The following USP42 variants were observed in gnomAD, a reference collection of about 807,000 sequenced individuals.
USP42 encodes ubiquitin carboxyl-terminal hydrolase 42.
Under a neutral mutation model 113.0 loss-of-function variants are expected in USP42, and 23 were observed. That is an observed-to-expected ratio of 0.20 (90% CI 0.15 to 0.29). USP42 has a LOEUF of 0.29. USP42 is among the 10% of genes least tolerant of loss of function. The pLI, the probability that USP42 is intolerant of heterozygous loss-of-function variation, is 1.00. For synonymous variants in USP42, 933 were observed against 699.0 expected (o/e 1.33, Z -5.28); for missense variants, 2,174 against 1,779.8 (o/e 1.22, Z -3.99).
intron 3 of USP42, among the ~76,000 whole-genome samples, chr7:6,135,613 C>CT (rs1781091325): frequency 7.9e-6 from 1 of 126,970 alleles, no homozygotes; most frequent in Admixed American, 9.3e-5. Context: ...GGTCACACCA[C>CT]TGCACTCCAG....
chr7:6,134,612 G>A (rs1027843420), intron 3 of USP42, among the ~76,000 whole-genome samples: 2 of 152,088 alleles, frequency 1.3e-5, no homozygotes, highest in Admixed American at 6.6e-5. Context: ...TGCATTCGAG[G>A]CTGTTGAGCG....
At position 6,111,577 on chromosome 7, in the gene USP42, G is replaced by A. The variant is rs532429788; in HGVS notation, c.241+203G>A. Among the ~76,000 whole-genome samples the A allele has an allele frequency of 2.0e-5, 3 of 151,656 alleles. No individual in the cohort carries two copies. The East Asian group carries it at 5.8e-4, about 29-fold the overall frequency. On this transcript the variant is annotated intron_variant, in intron 2 of 17. Coordinates refer to ENST00000306177, the MANE Select transcript of USP42 (RefSeq NM_032172.3). Reference sequence around the variant, plus strand: ...CAGGGTAGATTGTTTTTAGTTGCTAGAATATTATTAGTTTCTTTTATTCCA... The same window carrying A: ...CAGGGTAGATTGTTTTTAGTTGCTAAAATATTATTAGTTTCTTTTATTCCA...
chr7:6,083,862 G>T, the USP42 span, among the ~76,000 whole-genome samples: 11 of 150,742 alleles, frequency 7.3e-5, no homozygotes, highest in Non-Finnish European at 1.5e-4. Context: ...AAACCAAGGG[G>T]ACATATTCTG....
At chr7:6,111,449 G>C (rs1460747572) in intron 2 of USP42, 75 bp downstream of exon 2, 2 of 1,544,832 alleles carry the variant, frequency 1.3e-6, no homozygotes, top group Non-Finnish European at 1.7e-6. Flanking sequence ...TGGTTTCAGA[G>C]AGGGGCTTAT....
In USP42 at chr7:6,154,152, C is replaced by T. The variant is rs200951790; in HGVS notation, c.2598C>T (p.Pro866=). The T allele has an allele frequency of 2.9e-5, 47 of 1,594,636 alleles. No homozygotes were observed. The East Asian group carries it at 7.2e-4, about 24-fold the overall frequency. ...SPAPPARSEE[P]CEQPLLVHPS... ...CTCCGCCTGCGCGGTCGGAGGAGCCCTGCGAGCAGCCACTCCTTGTTCACC... is the reference window on the plus strand; with the variant it reads ...CTCCGCCTGCGCGGTCGGAGGAGCCTTGCGAGCAGCCACTCCTTGTTCACC... The change falls in exon 15 of 18, where the codon CCC becomes CCT. Residue 866 remains proline (P), a synonymous_variant. Coordinates refer to ENST00000306177, the MANE Select transcript of USP42 (RefSeq NM_032172.3).
chr7:6,146,002 G>A (rs898444869), intron 10 of USP42, 146 bp from the exon 11 acceptor site: 13 of 686,866 alleles, frequency 1.9e-5, no homozygotes, highest in Non-Finnish European at 2.7e-5. Flanking sequence ...CCCAGGAGGT[G>A]GAGATTGCAA....
At chr7:6,122,822 T>C (rs1780309996) in intron 3 of USP42, among the ~76,000 whole-genome samples, 1 of 151,708 alleles carries the variant, frequency 6.6e-6, no homozygotes, top group Non-Finnish European at 1.5e-5. Flanking sequence ...CAGGCTCATC[T>C]CAAACTCCTG....
At chr7:6,126,010 A>T (rs1414130966) in intron 3 of USP42, among the ~76,000 whole-genome samples, 1 of 152,178 alleles carries the variant, frequency 6.6e-6, no homozygotes, top group Admixed American at 6.6e-5. Flanking sequence ...TGATATAGTC[A>T]AGATACAGAG....
chr7:6,083,963 A>G, the USP42 span, among the ~76,000 whole-genome samples: 5 of 151,138 alleles, frequency 3.3e-5, no homozygotes, highest in Admixed American at 6.6e-5. Flanking sequence ...AAGGGTACCT[A>G]ACTCCCAAGC....
intron 4 of USP42, among the ~76,000 whole-genome samples, chr7:6,138,319 T>G (rs765111328): frequency 6.6e-6 from 1 of 152,244 alleles, no homozygotes; most frequent in Non-Finnish European, 1.5e-5. Context: ...CTGAAATGTT[T>G]CTGTGCACCT....
the USP42 span, among the ~76,000 whole-genome samples, chr7:6,086,371 A>G: frequency 5.5e-4 from 82 of 150,188 alleles, no homozygotes; most frequent in South Asian, 3.1e-3. Flanking sequence ...ATGCCTGGCT[A>G]ATTTTTTGTA....
At position 6,153,901 on chromosome 7, in the gene USP42, A is replaced by T. The variant is rs768328292; in HGVS notation, c.2347A>T (p.Thr783Ser). 5.0e-6 allele frequency: 8 copies of T among 1,590,360 alleles called. No individual in the cohort carries two copies. In the South Asian group the frequency reaches 7.9e-5, roughly 16 times the overall value. The change falls in exon 15 of 18, where the codon ACC (threonine) becomes TCC (serine). Residue 783 changes from threonine (T) to serine (S), a missense_variant. By Grantham distance (58) the Thr-to-Ser change is moderately conservative. Coordinates refer to ENST00000306177, the MANE Select transcript of USP42 (RefSeq NM_032172.3). ...GGCTCCGCCGCCCCGCGATCCCGGC[A>T]CCCCCGCTACCAAAGAAGGCGCCTG... ...KKAPPPRDPG[T>S]PATKEGAWEA...
rs567872505 is a variant in USP42, at chr7:6,141,332, A to G, written c.795+348A>G. On this transcript the variant is annotated intron_variant, in intron 7 of 17. Coordinates refer to ENST00000306177, the MANE Select transcript of USP42 (RefSeq NM_032172.3). ...ATTCTTCTGCCTCAGCCTCCCGAGT[A>G]GGTGGGACTATAGGTGCATGTGCCA... Among the ~76,000 whole-genome samples the G allele has an allele frequency of 4.7e-5, 7 of 150,500 alleles. No homozygotes were observed. In the South Asian group the frequency reaches 1.5e-3, roughly 31 times the overall value.
the USP42 span, among the ~76,000 whole-genome samples, chr7:6,082,133 CTT>C: frequency 1.2e-4 from 17 of 142,852 alleles, no homozygotes; most frequent in East Asian, 2.0e-4. Flanking sequence ...CGAATTTATC[CTT>C]TTTTTTTTTT....
At chr7:6,121,169 C>A (rs571315875) in intron 3 of USP42, among the ~76,000 whole-genome samples, 108 of 152,004 alleles carry the variant, frequency 7.1e-4, no homozygotes, top group African/African-American at 2.5e-3. Flanking sequence ...AGTAAAGAGA[C>A]CTCCATTACA....
chr7:6,093,632 C>T, the USP42 span, among the ~76,000 whole-genome samples: 18 of 149,156 alleles, frequency 1.2e-4, no homozygotes, highest in Middle Eastern at 6.8e-3. Flanking sequence ...CCACCCCTCC[C>T]CTCTCCTTTC....
At chr7:6,102,139 G>A (rs1390192937), upstream of USP42, among the ~76,000 whole-genome samples, 2 of 140,154 alleles carry the variant, frequency 1.4e-5, no homozygotes, top group Non-Finnish European at 3.0e-5. Context: ...TGAGACAGAC[G>A]GAATCTCACT....
At chr7:6,145,304 C>T (rs1371448001) in intron 9 of USP42, among the ~76,000 whole-genome samples, 1 of 150,164 alleles carries the variant, frequency 6.7e-6, no homozygotes, top group East Asian at 2.0e-4. Context: ...GCACTCCAGC[C>T]TGGGTGATAG....
intron 3 of USP42, among the ~76,000 whole-genome samples, chr7:6,131,602 GGA>G (rs1010712032): frequency 3.3e-5 from 5 of 152,202 alleles, no homozygotes; most frequent in Admixed American, 3.3e-4. Context: ...TCCTTTGGCT[GGA>G]GAGAGTGGGA....
Sources: allele counts gnomAD v4.1 joint callset (sites outside exome capture counted in the v4.1 genomes callset), GRCh38; gene constraint gnomAD v4.1.1; transcripts MANE v1.5; gene names NCBI Gene and HGNC (gene_info 2026-07-23, HGNC 2026-07-21).